The following SMCHD1 variants were observed in gnomAD, a reference collection of about 807,000 sequenced individuals.
The protein encoded by SMCHD1 is structural maintenance of chromosomes flexible hinge domain-containing protein 1.
SMCHD1 carries 78 observed loss-of-function variants against 254.7 expected under a neutral mutation model. The observed-to-expected ratio is 0.31, with a 90% CI of 0.26 to 0.37. SMCHD1 has a LOEUF of 0.37. SMCHD1 is among the 10% of genes least tolerant of loss of function. The probability of loss-of-function intolerance (pLI) is 1.00; values close to 1 mark genes in which losing one functional copy is unlikely to be tolerated. For missense variants in SMCHD1, 1,840 were observed against 2,408.1 expected, an observed-to-expected ratio of 0.76 and a Z score of 4.94; for synonymous variants, 766 against 794.9, an observed-to-expected ratio of 0.96 and a Z score of 0.61.
At chr18:2,761,733 G>A (rs1196895600) in intron 35 of SMCHD1, among the ~76,000 whole-genome samples, 3 of 152,092 alleles carry the variant, frequency 2.0e-5, no homozygotes, top group East Asian at 3.9e-4. Flanking sequence ...CAGGAGAATC[G>A]CTTGAACCCA....
At position 2,688,449 on chromosome 18, in the gene SMCHD1, A is replaced by G. The variant is rs1568143698; in HGVS notation, c.694A>G (p.Ile232Val). 8 of 1,613,890 alleles carry G rather than the reference A, an allele frequency of 5.0e-6. No individual in the cohort carries two copies. The highest frequency in any genetic ancestry group is 4.2e-6 in the Non-Finnish European group (5 of 1,179,792). ...AGTGCCACGCAGTTTAAATAGTGAT[A>G]TTTCCTATTTTGGTGTTGGGGGCAA... is the stretch of plus-strand genomic sequence containing the variant. ...VPVPRSLNSD[I>V]SYFGVGGKQA... The change falls in exon 6 of 48, where the codon ATT becomes GTT. Residue 232 changes from isoleucine (I) to valine (V), a missense_variant. Around this residue, in one of 9 missense-constraint regions of SMCHD1, gnomAD observed 498 missense variants for 743.5 expected, o/e 0.67. Coordinates refer to ENST00000320876, the MANE Select transcript of SMCHD1 (RefSeq NM_015295.3).
intron 37 of SMCHD1, among the ~76,000 whole-genome samples, chr18:2,768,569 T>C (rs938194562): frequency 8.3e-5 from 12 of 144,670 alleles, no homozygotes; most frequent in African/African-American, 3.0e-4. Context: ...ATTGTAAACA[T>C]ACTAAATATT....
rs1178488446 is a variant in SMCHD1, at chr18:2,796,365, T to C, written c.5879-42T>C. The C allele has an allele frequency of 4.8e-6, 6 of 1,260,140 alleles. No individual in the cohort carries two copies. In the Admixed American group the frequency reaches 1.5e-4, roughly 32 times the overall value. 78.1% of individuals were successfully genotyped at this position (1,260,140 alleles called of 1,614,324 possible). On this transcript the variant is annotated intron_variant, in intron 46 of 47. Coordinates refer to ENST00000320876, the MANE Select transcript of SMCHD1 (RefSeq NM_015295.3). The stretch of plus-strand genomic sequence containing the variant: ...GTTTGCATTTCTCTAATTCCATTGT[T>C]TTTATTGTAAATTTAACTTTCTACA...
intron 17 of SMCHD1, among the ~76,000 whole-genome samples, chr18:2,711,380 G>C (rs570708132): frequency 6.6e-6 from 1 of 151,774 alleles, no homozygotes; most frequent in African/African-American, 2.4e-5. Context: ...TTACAGGCAT[G>C]AGCCACTGCA....
intron 47 of SMCHD1, among the ~76,000 whole-genome samples, chr18:2,799,297 G>A (rs2076317671): frequency 6.6e-6 from 1 of 151,894 alleles, no homozygotes; most frequent in South Asian, 2.1e-4. Flanking sequence ...CAATTCAGAA[G>A]ACAGCAAATC....
Position 2,751,393 on chromosome 18 carries a change from T to C in SMCHD1, c.4281T>C (p.Asn1427=), listed in dbSNP as rs757680634. Residue 1427 remains asparagine, a splice_region_variant and synonymous_variant, in exon 33 of 48, where the codon AAT becomes AAC. Coordinates refer to ENST00000320876, the MANE Select transcript of SMCHD1 (RefSeq NM_015295.3). ...CCAGTGGGAACCGACCCCCAGCAAA[T>C]GTGAGTCATGGGAAGCATTTTTTGA... ...LSTSGNRPPA[N]AETFSCNKIK... is the part of the protein sequence containing the mutation. 19 of 1,539,682 alleles carry C rather than the reference T, an allele frequency of 1.2e-5. No individual in the cohort carries two copies. The highest frequency in any genetic ancestry group is 1.7e-5 in the Non-Finnish European group (19 of 1,142,944).
chr18:2,681,305 C>A (rs1398600196), intron 5 of SMCHD1, among the ~76,000 whole-genome samples: 3 of 149,368 alleles, frequency 2.0e-5, no homozygotes, highest in African/African-American at 7.4e-5. Context: ...CCCAGCTGCT[C>A]AGGAGGCTGA....
intron 10 of SMCHD1, among the ~76,000 whole-genome samples, chr18:2,698,298 G>A (rs188882939): frequency 1.4e-4 from 22 of 152,152 alleles, no homozygotes; most frequent in East Asian, 3.9e-4. Flanking sequence ...ATATGTATGC[G>A]TATTAATCCT....
intron 28 of SMCHD1, among the ~76,000 whole-genome samples, chr18:2,741,190 TGAG>T (rs969247982): frequency 6.6e-6 from 1 of 152,184 alleles, no homozygotes; most frequent in South Asian, 2.1e-4. Context: ...AACAGGATGA[TGAG>T]GAGAAAAATC....
Position 2,796,122 on chromosome 18 carries a change from T to G in SMCHD1, c.5878+15T>G, listed in dbSNP as rs760650952. 4.0e-6 allele frequency: 6 copies of G among 1,509,492 alleles called. No individual in the cohort carries two copies. The East Asian group carries it at 1.4e-4, about 36-fold the overall frequency. 93.5% of individuals were successfully genotyped at this position (1,509,492 alleles called of 1,614,324 possible). A position where few individuals can be genotyped will look rare whatever the true frequency, so the allele number is the denominator to read the frequency against. ...GGAAAAACTAGGTAAGTCTTTGCTT[T>G]TTGTTAACTTCTACTTTCTTTATAT... is the stretch of plus-strand genomic sequence containing the variant. On this transcript the variant is annotated intron_variant, in intron 46 of 47. Coordinates refer to ENST00000320876, the MANE Select transcript of SMCHD1 (RefSeq NM_015295.3).
At chr18:2,696,981 A>G in intron 8 of SMCHD1, 51 bp from the exon 9 acceptor site, 1 of 823,714 alleles carries the variant, frequency 1.2e-6, no homozygotes, top group East Asian at 2.9e-5. Context: ...GATTACATTA[A>G]CTATAATTTT....
rs538770362 is a variant in SMCHD1, at chr18:2,665,953, T to C, written c.187-204T>C. Among the ~76,000 whole-genome samples, 4 of 152,342 alleles carry C rather than the reference T, an allele frequency of 2.6e-5. No individual in the cohort carries two copies. The Middle Eastern group carries it at 0.014, about 518-fold the overall frequency. The stretch of plus-strand genomic sequence containing the variant: ...GCTTATAGTAGCAGAAAAAATGACC[T>C]TGTTAAGTAAGTAATTTATATAGAT... On this transcript the variant is annotated intron_variant, in intron 1 of 47. Coordinates refer to ENST00000320876, the MANE Select transcript of SMCHD1 (RefSeq NM_015295.3).
intron 1 of SMCHD1, among the ~76,000 whole-genome samples, chr18:2,656,753 C>T (rs2073073503): frequency 6.6e-6 from 1 of 152,206 alleles, no homozygotes; most frequent in Non-Finnish European, 1.5e-5. Context: ...CGGGGTGTCC[C>T]CGGGTTGCCC....
intron 34 of SMCHD1, among the ~76,000 whole-genome samples, chr18:2,754,145 G>T (rs572074606): frequency 2.0e-4 from 30 of 152,250 alleles, no homozygotes; most frequent in Non-Finnish European, 2.1e-4. Flanking sequence ...TTGAACAGCA[G>T]TGGTTAATTT....
At chr18:2,763,194 C>G (rs1217708939) in intron 36 of SMCHD1, among the ~76,000 whole-genome samples, 2 of 152,192 alleles carry the variant, frequency 1.3e-5, no homozygotes, top group East Asian at 1.9e-4. Flanking sequence ...CATAGAATTA[C>G]TCCAAGGGTC....
intron 44 of SMCHD1, among the ~76,000 whole-genome samples, chr18:2,780,633 T>C (rs541678582): frequency 1.3e-5 from 2 of 152,328 alleles, no homozygotes; most frequent in East Asian, 3.9e-4. Flanking sequence ...TGAGACACAG[T>C]AGTGTGCTAT....
At chr18:2,754,074 C>T (rs536818816) in intron 34 of SMCHD1, among the ~76,000 whole-genome samples, 1 of 152,080 alleles carries the variant, frequency 6.6e-6, no homozygotes, top group Non-Finnish European at 1.5e-5. Flanking sequence ...ATTAGAGATA[C>T]AAGCCTTTTG....
At chr18:2,708,032 T>C (rs2074560358) in intron 17 of SMCHD1, 112 bp downstream of exon 17, 2 of 565,106 alleles carry the variant, frequency 3.5e-6, no homozygotes, top group Non-Finnish European at 5.8e-6. Context: ...CATAGCAAAT[T>C]TTATTGAAGT....
At chr18:2,735,628 C>T (rs752383230) in intron 25 of SMCHD1, among the ~76,000 whole-genome samples, 1 of 152,108 alleles carries the variant, frequency 6.6e-6, no homozygotes, top group Non-Finnish European at 1.5e-5. Context: ...TTCTGTACTA[C>T]GTTTTAAGCT....
Sources: gnomAD v4.1 joint callset for allele counts (sites outside exome capture counted in the v4.1 genomes callset) on GRCh38, gnomAD v4.1.1 for gene constraint, gnomAD v4.1.1 regional missense constraint, MANE v1.5 for transcripts, NCBI Gene and HGNC (gene_info 2026-07-23, HGNC 2026-07-21) for gene names.